The following PXK variants were observed in gnomAD, a reference collection of about 807,000 sequenced individuals.
PXK encodes the protein PX domain-containing protein kinase-like protein.
A neutral mutation model predicts 84.7 loss-of-function variants in PXK; 35 were observed. The observed-to-expected ratio is 0.41, with a 90% CI of 0.32 to 0.55. PXK has a LOEUF of 0.55. Among genes scored for constraint, PXK ranks in the 20% least tolerant of loss-of-function variants. PXK has a pLI of 0.21. For missense variants in PXK, 634 were observed against 699.7 expected (o/e 0.91, Z 1.06); for synonymous variants, 253 against 260.8 (o/e 0.97, Z 0.29).
In PXK at chr3:58,411,563, G is replaced by A. The variant is rs954432636; in HGVS notation, c.1466-1338G>A. The stretch of plus-strand genomic sequence containing the variant: ...CATGATTCCAACCAGCAGTCATTCT[G>A]TCCAGTAGCTAATTTTTTATAGAGC... On this transcript the variant is annotated intron_variant, in intron 16 of 17. Transcript: ENST00000356151. The surrounding 1 kb of genome is among the most constrained non-coding windows in gnomAD (Gnocchi z 4.2). Among the ~76,000 whole-genome samples the A allele has an allele frequency of 6.6e-6, 1 of 152,250 alleles. No individual in the cohort carries two copies. The highest frequency in any genetic ancestry group is 2.4e-5 in the African/African-American group (1 of 41,540).
chr3:58,363,690 TA>T (rs1277666560), intron 1 of PXK, among the ~76,000 whole-genome samples: 1 of 152,206 alleles, frequency 6.6e-6, no homozygotes, highest in Non-Finnish European at 1.5e-5. Context: ...TCATGTTGCC[TA>T]AAAATACGAA....
In PXK at chr3:58,398,897, T is replaced by C. The variant is rs920260287; in HGVS notation, c.1103-402T>C. ...ATCCAAGGTGTTGGATGATGAGATATCAACAATTGGCATTTTGTGTGCTGG... is the reference window on the plus strand; with the variant it reads ...ATCCAAGGTGTTGGATGATGAGATACCAACAATTGGCATTTTGTGTGCTGG... On this transcript the variant is annotated intron_variant, in intron 11 of 17. Coordinates refer to ENST00000356151, the MANE Select transcript of PXK (RefSeq NM_017771.5). This position sits in a 1 kb window ranked among gnomAD's most constrained non-coding sequence, Gnocchi z 4.5. 1.3e-5 allele frequency among the ~76,000 whole-genome samples: 2 copies of C among 152,186 alleles called. No individual in the cohort carries two copies. The highest frequency in any genetic ancestry group is 2.9e-5 in the Non-Finnish European group (2 of 68,022).
chr3:58,422,332 C>G, intron 17 of PXK: 1 of 985,354 alleles, frequency 1.0e-6, no homozygotes, highest in Non-Finnish European at 1.2e-6. Context: ...CCTGGTTGTA[C>G]ATAAGAGCCA....
chr3:58,378,508 T>TGTGTGTGTGTGTGTGTG (rs1478546551), intron 3 of PXK, among the ~76,000 whole-genome samples: 2 of 28,538 alleles, frequency 7.0e-5, no homozygotes, highest in African/African-American at 1.8e-4. Flanking sequence ...TTTTTTTTTT[T>TGTGTGTGTGTGTGTGTG]TTTTTGTGTG....
Position 58,400,081 on chromosome 3 carries a change from G to T in PXK, c.1181+704G>T, listed in dbSNP as rs1056828987. Among the ~76,000 whole-genome samples, 2 of 152,000 alleles carry T rather than the reference G, an allele frequency of 1.3e-5. No homozygotes were observed. Among genetic ancestry groups the T allele is most frequent in the African/African-American group, 4.8e-5 (2 of 41,378 alleles). On this transcript the variant is annotated intron_variant, in intron 12 of 17. Coordinates refer to ENST00000356151, the MANE Select transcript of PXK (RefSeq NM_017771.5). The surrounding 1 kb of genome is among the most constrained non-coding windows in gnomAD (Gnocchi z 4.0). The stretch of plus-strand genomic sequence containing the variant: ...GGGACAGACCTGGAGGTGGATTCCA[G>T]CTTCACCACTTCTACCTGGGTGACC...
At chr3:58,378,512 T>TGTGTGTGTGTGTGTG (rs1553776508) in intron 3 of PXK, among the ~76,000 whole-genome samples, 3 of 29,098 alleles carry the variant, frequency 1.0e-4, no homozygotes, top group Admixed American at 4.3e-4. Context: ...TTTTTTTTTT[T>TGTGTGTGTGTGTGTG]TGTGTGTGTG....
intron 4 of PXK, among the ~76,000 whole-genome samples, chr3:58,386,562 T>G (rs1383475491): frequency 1.3e-5 from 2 of 152,128 alleles, no homozygotes; most frequent in African/African-American, 4.8e-5. Context: ...CCCAAAGCGC[T>G]GGGATTACAG....
intron 1 of PXK, among the ~76,000 whole-genome samples, chr3:58,340,614 T>C (rs1331632520): frequency 6.6e-6 from 1 of 151,956 alleles, no homozygotes; most frequent in Non-Finnish European, 1.5e-5. Context: ...TAATCCCAGC[T>C]ACTCGGGAGC....
chr3:58,389,681 A>G (rs7427568), intron 4 of PXK, among the ~76,000 whole-genome samples: 1 of 135,060 alleles, frequency 7.4e-6, no homozygotes, highest in Admixed American at 7.7e-5. Flanking sequence ...AACAAACAAA[A>G]AAAAAAACCA....
intron 1 of PXK, among the ~76,000 whole-genome samples, chr3:58,347,954 C>G (rs930003291): frequency 1.3e-4 from 20 of 152,070 alleles, no homozygotes; most frequent in Non-Finnish European, 2.5e-4. Context: ...CACTCTGTTG[C>G]CCAGGCTGGA....
chr3:58,424,437 T>C (rs114939018), intron 17 of PXK, among the ~76,000 whole-genome samples: 1,580 of 152,330 alleles, frequency 0.01, 10 homozygotes, highest in Non-Finnish European at 0.016. Context: ...CTTTGGGGAC[T>C]ATTACTTTGC....
chr3:58,353,444 G>A (rs2097985893), intron 1 of PXK, among the ~76,000 whole-genome samples: 2 of 152,022 alleles, frequency 1.3e-5, no homozygotes, highest in South Asian at 2.1e-4. Context: ...TTTGTTTTGG[G>A]GCAGTTTTTG....
At chr3:58,386,828 G>T (rs549999699) in intron 4 of PXK, among the ~76,000 whole-genome samples, 2 of 152,340 alleles carry the variant, frequency 1.3e-5, no homozygotes, top group South Asian at 2.1e-4. Flanking sequence ...AGGCTGGGGA[G>T]GGGGAATAGA....
chr3:58,348,902 A>G (rs1358060376), intron 1 of PXK, among the ~76,000 whole-genome samples: 1 of 151,900 alleles, frequency 6.6e-6, no homozygotes, highest in African/African-American at 2.4e-5. Flanking sequence ...ACAGAGTGAG[A>G]CCCTGTCTGT....
chr3:58,408,678 A>T (rs1283241473), intron 13 of PXK, among the ~76,000 whole-genome samples: 1 of 151,816 alleles, frequency 6.6e-6, no homozygotes, highest in Non-Finnish European at 1.5e-5. Flanking sequence ...GCCCACCACC[A>T]CGCCCGGCTA....
intron 3 of PXK, among the ~76,000 whole-genome samples, chr3:58,371,042 C>T (rs2098363000): frequency 6.6e-6 from 1 of 152,068 alleles, no homozygotes; most frequent in Non-Finnish European, 1.5e-5. Context: ...TTTGTACAGC[C>T]CACACTTTAA....
rs140459205 is a variant in PXK at position 58,379,957 on chromosome 3, G to A, written c.202-2557G>A. Among the ~76,000 whole-genome samples, 88 of 152,054 alleles carry A rather than the reference G, an allele frequency of 5.8e-4. No individual in the cohort carries two copies. The highest frequency in any genetic ancestry group is 1.2e-3 in the Non-Finnish European group (79 of 67,988). ...ACTGCACTTTAGCCTGGGTGACAGG[G>A]TGAGAACCTGTCTCAAAAACAAAAC... On this transcript the variant is annotated intron_variant, in intron 3 of 17. Transcript: ENST00000356151. The surrounding 1 kb of genome is among the most constrained non-coding windows in gnomAD (Gnocchi z 5.1).
At chr3:58,377,300 A>G (rs2098451602) in intron 3 of PXK, among the ~76,000 whole-genome samples, 1 of 152,222 alleles carries the variant, frequency 6.6e-6, no homozygotes, top group African/African-American at 2.4e-5. Flanking sequence ...ACAGAATGGA[A>G]CAGTTAGGTT....
At chr3:58,361,018 C>T (rs114703734) in intron 1 of PXK, among the ~76,000 whole-genome samples, 312 of 151,744 alleles carry the variant, frequency 2.1e-3, no homozygotes, top group African/African-American at 7.2e-3. Flanking sequence ...TCATTTTGGC[C>T]GGGCGCGGTG....
Sources: gnomAD v4.1 joint callset for allele counts (sites outside exome capture counted in the v4.1 genomes callset) on GRCh38, gnomAD v4.1.1 for gene constraint, Gnocchi (gnomAD v3.1) non-coding constraint, MANE v1.5 for transcripts, NCBI Gene and HGNC (gene_info 2026-07-23, HGNC 2026-07-21) for gene names.